ZMAT3: variants seen among roughly 807,000 people sequenced by gnomAD.
ZMAT3 encodes zinc finger matrin-type 3.
In ZMAT3, 17 loss-of-function variants were observed where a neutral mutation model predicts 32.3. That is an observed-to-expected ratio of 0.53 (90% CI 0.36 to 0.79). ZMAT3 has a LOEUF of 0.79. Ranked by LOEUF, ZMAT3 falls within the 30% of genes least tolerant of loss-of-function variation. The pLI, the probability that ZMAT3 is intolerant of heterozygous loss-of-function variation, is 0.00. For missense variants in ZMAT3, 329 were observed against 359.7 expected (o/e 0.91, Z 0.69); for synonymous variants, 120 against 133.1 (o/e 0.90, Z 0.68).
intron 2 of ZMAT3, among the ~76,000 whole-genome samples, chr3:179,051,034 T>C (rs2108569846): frequency 6.6e-6 from 1 of 152,332 alleles, no homozygotes; most frequent in Non-Finnish European, 1.5e-5. Flanking sequence ...AACATTATAC[T>C]GAATGCGGAA....
rs947549576 is a variant in ZMAT3 at position 179,024,112 on chromosome 3, C to T, written c.*905G>A. 6.6e-6 allele frequency: 1 copy of T among 151,964 alleles called. No homozygotes were observed. Among genetic ancestry groups the T allele is most frequent in the East Asian group, 1.9e-4 (1 of 5,144 alleles). The allele number at this position is 151,964 out of a possible 1,614,324, so 9.4% of individuals were successfully genotyped here. On this transcript the variant is annotated 3_prime_UTR_variant, in exon 6 of 6. Transcript: ENST00000311417. ...AGCACAGCTGGGGCATGAAAATGGG[C>T]TTGTTAGACAAGCTGATTCAACTAG... is the stretch of plus-strand genomic sequence containing the variant.
chr3:179,040,881 T>G (rs1389186244), intron 2 of ZMAT3, among the ~76,000 whole-genome samples: 1 of 141,554 alleles, frequency 7.1e-6, no homozygotes, highest in African/African-American at 2.7e-5. Flanking sequence ...TGGAGGAAGA[T>G]CTACCAAGCA....
intron 2 of ZMAT3, among the ~76,000 whole-genome samples, chr3:179,053,989 A>AT (rs1190535921): frequency 5.9e-5 from 9 of 152,362 alleles, no homozygotes; most frequent in East Asian, 3.9e-4. Flanking sequence ...TAAATTCCTG[A>AT]TTTTGACAAC....
chr3:179,038,962 C>T (rs1019162464), intron 2 of ZMAT3, among the ~76,000 whole-genome samples: 5 of 152,270 alleles, frequency 3.3e-5, no homozygotes, highest in African/African-American at 9.6e-5. Context: ...TCACTGCTAG[C>T]GCAGCAGTCT....
intron 3 of ZMAT3, among the ~76,000 whole-genome samples, 193 bp from the exon 4 acceptor site, chr3:179,028,005 T>C (rs1324781309): frequency 6.6e-6 from 1 of 152,216 alleles, no homozygotes; most frequent in African/African-American, 2.4e-5. Context: ...GGTTTTGCAT[T>C]ATAATCACTT....
chr3:179,048,814 C>CT (rs1311718833), intron 2 of ZMAT3, among the ~76,000 whole-genome samples: 2 of 148,532 alleles, frequency 1.3e-5, no homozygotes, highest in African/African-American at 4.9e-5. Flanking sequence ...CAAAATAGTA[C>CT]TTCACATGTC....
chr3:179,028,940 A>G (rs1252857324), intron 3 of ZMAT3, among the ~76,000 whole-genome samples: 1 of 152,136 alleles, frequency 6.6e-6, no homozygotes, highest in Non-Finnish European at 1.5e-5. Flanking sequence ...CAGGTGGATC[A>G]CCTGAGGTCA....
At chr3:179,070,632 T>C (rs1721661001) in intron 1 of ZMAT3, among the ~76,000 whole-genome samples, 1 of 152,204 alleles carries the variant, frequency 6.6e-6, no homozygotes, top group Non-Finnish European at 1.5e-5. Flanking sequence ...CTCAGATCTG[T>C]TCAACTGTTG....
intron 2 of ZMAT3, among the ~76,000 whole-genome samples, chr3:179,059,646 A>G (rs2108581579): frequency 6.6e-6 from 1 of 152,302 alleles, no homozygotes; most frequent in Non-Finnish European, 1.5e-5. Context: ...ACTAAAATCT[A>G]CCATGGACCC....
rs1719491856 is a variant in ZMAT3, at chr3:179,034,793, G to A, written c.271-3794C>T. Among the ~76,000 whole-genome samples, 4 of 152,070 alleles carry A rather than the reference G, an allele frequency of 2.6e-5. No individual in the cohort carries two copies. The South Asian group carries it at 8.3e-4, about 32-fold the overall frequency. ...ACAAAATTACCCAAGAAAAGCCAAGGGGTCCTTTTCCTGATTCCATCCTTC... is the reference window on the plus strand; with the variant it reads ...ACAAAATTACCCAAGAAAAGCCAAGAGGTCCTTTTCCTGATTCCATCCTTC... On this transcript the variant is annotated intron_variant, in intron 2 of 5. Coordinates refer to ENST00000311417, the MANE Select transcript of ZMAT3 (RefSeq NM_022470.4).
rs1718352359 is a variant in ZMAT3, at chr3:179,017,866, T to TA, written c.*7150dup. Reference sequence around the variant, plus strand: ...GTCCCAGCAGATATATGGAATGCTTTAAAGCAGGATCTGACATACTCCAGT... The same window carrying TA: ...GTCCCAGCAGATATATGGAATGCTTTAAAAGCAGGATCTGACATACTCCAGT... On this transcript the variant is annotated 3_prime_UTR_variant, in exon 6 of 6. Transcript: ENST00000311417. 6.6e-6 allele frequency: 1 copy of TA among 152,184 alleles called. No homozygotes were observed. The highest frequency in any genetic ancestry group is 1.5e-5 in the Non-Finnish European group (1 of 68,030). The allele number at this position is 152,184 out of a possible 1,614,324, so 9.4% of individuals were successfully genotyped here. A position where few individuals can be genotyped will look rare whatever the true frequency, so the allele number is the denominator to read the frequency against.
intron 2 of ZMAT3, 84 bp downstream of exon 2, chr3:179,067,399 C>T (rs973966022): frequency 2.1e-6 from 3 of 1,422,756 alleles, no homozygotes; most frequent in Non-Finnish European, 2.9e-6. Flanking sequence ...CAGGCACAGT[C>T]ATATCTGGAG....
chr3:179,067,747 G>A lies in ZMAT3; in HGVS notation c.6C>T (p.Ile2=). 3 of 1,613,932 alleles carry A rather than the reference G, an allele frequency of 1.9e-6. No homozygotes were observed. Among genetic ancestry groups the A allele is most frequent in the Non-Finnish European group, 2.5e-6 (3 of 1,179,944 alleles). ...GAGGAAGCACGGCGTGTTGCAAGAG[G>A]ATCATTGGGTAGGGAAGCCTGGGGC... M[I]LLQHAVLPPP... Residue 2 remains isoleucine, a synonymous_variant, in exon 2 of 6, where the codon ATC becomes ATT. Transcript: ENST00000311417.
Position 179,046,468 on chromosome 3 carries a change from T to G in ZMAT3, c.271-15469A>C, listed in dbSNP as rs1457607772. 1.3e-5 allele frequency among the ~76,000 whole-genome samples: 2 copies of G among 152,160 alleles called. No homozygotes were observed. Among genetic ancestry groups the G allele is most frequent in the African/African-American group, 2.4e-5 (1 of 41,438 alleles). Reference sequence around the variant, plus strand: ...TATCATGAAATTTTGCTCCAAGAACTACAGCAGGAACATACCAGGAAAGCG... The same window carrying G: ...TATCATGAAATTTTGCTCCAAGAACGACAGCAGGAACATACCAGGAAAGCG... On this transcript the variant is annotated intron_variant, in intron 2 of 5. Coordinates refer to ENST00000311417, the MANE Select transcript of ZMAT3 (RefSeq NM_022470.4). The surrounding 1 kb of genome is among the most constrained non-coding windows in gnomAD (Gnocchi z 4.3).
At chr3:179,060,457 C>T (rs892436373) in intron 2 of ZMAT3, among the ~76,000 whole-genome samples, 1 of 151,656 alleles carries the variant, frequency 6.6e-6, no homozygotes, top group African/African-American at 2.4e-5. Context: ...GCCTGGGCAA[C>T]GTGGTGAAAC....
chr3:179,027,359 G>T, intron 5 of ZMAT3, 64 bp downstream of exon 5: 1 of 1,421,634 alleles, frequency 7.0e-7, no homozygotes, highest in Non-Finnish European at 9.8e-7. Flanking sequence ...ATCATTAAAA[G>T]AAATAAAAAC....
chr3:179,056,320 A>AT (rs1720841215), intron 2 of ZMAT3, among the ~76,000 whole-genome samples: 2 of 150,270 alleles, frequency 1.3e-5, no homozygotes, highest in Admixed American at 6.6e-5. Context: ...GACAAACGGG[A>AT]TAAAAAAAAA....
chr3:179,059,184 C>G (rs1721022625), intron 2 of ZMAT3, among the ~76,000 whole-genome samples: 1 of 151,970 alleles, frequency 6.6e-6, no homozygotes, highest in Non-Finnish European at 1.5e-5. Flanking sequence ...AATGCAGGAC[C>G]CTCCATTAGA....
intron 2 of ZMAT3, among the ~76,000 whole-genome samples, chr3:179,034,642 A>G (rs1257109166): frequency 2.0e-5 from 3 of 152,102 alleles, no homozygotes; most frequent in African/African-American, 7.2e-5. Flanking sequence ...GGTCATCCAT[A>G]CTTTCACGTC....
Sources: allele counts gnomAD v4.1 joint callset (sites outside exome capture counted in the v4.1 genomes callset), GRCh38; gene constraint gnomAD v4.1.1; non-coding constraint Gnocchi (gnomAD v3.1); transcripts MANE v1.5; gene names NCBI Gene and HGNC (gene_info 2026-07-23, HGNC 2026-07-21).